The following CACNA1A variants were observed in gnomAD, a reference collection of about 807,000 sequenced individuals.
The protein encoded by CACNA1A is calcium voltage-gated channel subunit alpha1 A.
CACNA1A carries 57 observed loss-of-function variants against 262.4 expected under a neutral mutation model. The observed-to-expected ratio is 0.22, with a 90% CI of 0.18 to 0.27. The LOEUF is 0.27. CACNA1A is among the 10% of genes least tolerant of loss of function. The pLI is 1.00. For missense variants in CACNA1A, 2,526 were observed against 3,562.8 expected, an observed-to-expected ratio of 0.71 and a Z score of 7.41; for synonymous variants, 1,431 against 1,419.3, an observed-to-expected ratio of 1.01 and a Z score of -0.18.
intron 3 of CACNA1A, among the ~76,000 whole-genome samples, chr19:13,377,279 CA>C (rs1250588112): frequency 6.6e-6 from 1 of 151,462 alleles, no homozygotes; most frequent in Non-Finnish European, 1.5e-5. Flanking sequence ...AGATTTCTTT[CA>C]AAATATTACT....
intron 3 of CACNA1A, among the ~76,000 whole-genome samples, chr19:13,417,300 C>T (rs959527113): frequency 2.9e-4 from 44 of 152,112 alleles, no homozygotes; most frequent in African/African-American, 1.0e-3. Flanking sequence ...ATGTGGGTCC[C>T]GAGGGGTTTC....
intron 10 of CACNA1A, among the ~76,000 whole-genome samples, chr19:13,320,525 T>C (rs2058231631): frequency 1.3e-5 from 2 of 152,208 alleles, no homozygotes; most frequent in South Asian, 4.1e-4. Flanking sequence ...AAATCATGAC[T>C]AGGTTCACGT....
intron 31 of CACNA1A, among the ~76,000 whole-genome samples, chr19:13,237,951 G>T (rs1209923864): frequency 6.6e-6 from 1 of 152,212 alleles, no homozygotes; most frequent in Non-Finnish European, 1.5e-5. Context: ...CCTCAGGAGG[G>T]GGGTTTGGAG....
rs758783548 is a variant in CACNA1A at position 13,255,197 on chromosome 19, C to T, written c.4653G>A (p.Lys1551=). 1 of 1,613,256 alleles carries T rather than the reference C, an allele frequency of 6.2e-7. No homozygotes were observed. Among genetic ancestry groups the T allele is most frequent in the South Asian group, 1.1e-5 (1 of 91,062 alleles). The change falls in exon 29 of 47, where the codon AAG becomes AAA. Residue 1551 remains lysine, a synonymous_variant. Transcript: ENST00000360228. ...GCCACATGCGGTACTGGAAGCTCTG[C>T]TTGTTCTGCGGCATGTGTCGGGTCA... The part of the protein sequence containing the change: ...KPLTRHMPQN[K]QSFQYRMWQF...
At chr19:13,402,797 C>CATATAT (rs1568610608) in intron 3 of CACNA1A, among the ~76,000 whole-genome samples, 4 of 122,170 alleles carry the variant, frequency 3.3e-5, no homozygotes, top group African/African-American at 7.8e-5. Flanking sequence ...TACATATATA[C>CATATAT]ACACATATAT....
chr19:13,223,627 T>C (rs2055319917), intron 38 of CACNA1A, among the ~76,000 whole-genome samples: 1 of 152,212 alleles, frequency 6.6e-6, no homozygotes, highest in Non-Finnish European at 1.5e-5. Flanking sequence ...GTTCCTCCTC[T>C]GCTCTGAACC....
At chr19:13,433,862 G>A (rs566615612) in intron 3 of CACNA1A, among the ~76,000 whole-genome samples, 26 of 152,302 alleles carry the variant, frequency 1.7e-4, no homozygotes, top group African/African-American at 5.1e-4. Context: ...AGCAGCAAAC[G>A]TCTGGAAACA....
intron 3 of CACNA1A, among the ~76,000 whole-genome samples, chr19:13,402,929 A>G (rs1293826638): frequency 1.5e-5 from 2 of 137,622 alleles, no homozygotes; most frequent in East Asian, 4.2e-4. Context: ...TGCAAGTGAA[A>G]CTCAAACTCA....
intron 3 of CACNA1A, among the ~76,000 whole-genome samples, chr19:13,373,614 C>T (rs529941483): frequency 7.9e-5 from 12 of 152,332 alleles, no homozygotes; most frequent in Admixed American, 7.2e-4. Context: ...CTCCCCTCTC[C>T]TTCTCCAACC....
At chr19:13,285,765 G>A (rs544578508) in intron 20 of CACNA1A, among the ~76,000 whole-genome samples, 22 of 152,102 alleles carry the variant, frequency 1.4e-4, no homozygotes, top group African/African-American at 5.1e-4. Context: ...GCCTGCTTAT[G>A]TGCCCACGGG....
At position 13,501,623 on chromosome 19, in the gene CACNA1A, TC is replaced by T. The variant is rs1325885529; in HGVS notation, c.293+4308del. Among the ~76,000 whole-genome samples, 5 of 152,234 alleles carry T rather than the reference TC, an allele frequency of 3.3e-5. No individual in the cohort carries two copies. In the East Asian group the frequency reaches 7.7e-4, roughly 24 times the overall value. ...AGCAGAATCCCAGACCCCACCCAAA[TC>T]CTGCTGGACCAGAACCATCCTGTTA... On this transcript the variant is annotated intron_variant, in intron 1 of 46. Coordinates refer to ENST00000360228, the MANE Select transcript of CACNA1A (RefSeq NM_001127222.2).
intron 6 of CACNA1A, among the ~76,000 whole-genome samples, chr19:13,338,650 C>G (rs2058619603): frequency 6.6e-6 from 1 of 152,124 alleles, no homozygotes; most frequent in South Asian, 2.1e-4. Context: ...ACAAAACAGG[C>G]TAAACTGGTG....
intron 30 of CACNA1A, among the ~76,000 whole-genome samples, chr19:13,250,380 TTTTAATTTAA>T (rs1237878215): frequency 2.0e-5 from 3 of 149,572 alleles, no homozygotes; most frequent in Non-Finnish European, 4.4e-5. Context: ...TAAAAAATAA[TTTTAATTTAA>T]TTTAATTTAA....
intron 6 of CACNA1A, among the ~76,000 whole-genome samples, chr19:13,354,869 CTTTTTTTTTTTTT>C (rs56350383): frequency 8.7e-6 from 1 of 115,096 alleles, no homozygotes. Context: ...TTTTCTTTTT[CTTTTTTTTTTTTT>C]TTTTTTTTTT....
intron 1 of CACNA1A, among the ~76,000 whole-genome samples, chr19:13,486,032 A>C (rs1979933120): frequency 6.6e-6 from 1 of 152,248 alleles, no homozygotes; most frequent in South Asian, 2.1e-4. Flanking sequence ...AATCTCACAA[A>C]GGTAACTGCA....
intron 36 of CACNA1A, 97 bp from the exon 37 acceptor site, chr19:13,227,624 G>A: frequency 2.1e-6 from 1 of 477,722 alleles, no homozygotes; most frequent in Non-Finnish European, 3.6e-6. Flanking sequence ...GGGAGAAACA[G>A]AAGAAAGAAA....
intron 19 of CACNA1A, among the ~76,000 whole-genome samples, chr19:13,297,460 G>T (rs1483723878): frequency 6.6e-6 from 1 of 152,154 alleles, no homozygotes; most frequent in African/African-American, 2.4e-5. Context: ...GATTGCTTGA[G>T]GCCAGGAGTT....
chr19:13,327,170 C>T (rs939670791), intron 10 of CACNA1A, among the ~76,000 whole-genome samples: 3 of 152,094 alleles, frequency 2.0e-5, no homozygotes, highest in African/African-American at 7.2e-5. Context: ...CGTGAGCCAC[C>T]ACACCCAGCC....
chr19:13,290,997 T>C (rs1364131671), intron 19 of CACNA1A, among the ~76,000 whole-genome samples: 1 of 152,140 alleles, frequency 6.6e-6, no homozygotes, highest in Non-Finnish European at 1.5e-5. Context: ...GTTGGGAAAT[T>C]TTAACAAGCT....
Sources: allele counts gnomAD v4.1 joint callset (sites outside exome capture counted in the v4.1 genomes callset), GRCh38; gene constraint gnomAD v4.1.1; transcripts MANE v1.5; gene names NCBI Gene and HGNC (gene_info 2026-07-23, HGNC 2026-07-21).